The following COL4A3 variants were observed in gnomAD, a reference collection of about 807,000 sequenced individuals.
COL4A3 encodes collagen type IV alpha 3 chain.
In COL4A3, 135 loss-of-function variants were observed where a neutral mutation model predicts 217.4. The observed-to-expected ratio is 0.62, with a 90% CI of 0.54 to 0.72. The LOEUF is 0.72. COL4A3 is among the 30% of genes least tolerant of loss of function. The pLI, the probability that COL4A3 is intolerant of heterozygous loss-of-function variation, is 0.00. For missense variants in COL4A3, 1,868 were observed against 2,119.9 expected (o/e 0.88, Z 2.33); for synonymous variants, 690 against 736.3 (o/e 0.94, Z 1.02).
Position 227,314,130 on chromosome 2 carries a change from A to C in COL4A3, c.*2260A>C, listed in dbSNP as rs2073828742. ...AAAGTTCAAACTCACAGGTGACTCTAAGGTTATCTACTTTTACTCATAAGT... is the reference window on the plus strand; with the variant it reads ...AAAGTTCAAACTCACAGGTGACTCTCAGGTTATCTACTTTTACTCATAAGT... On this transcript the variant is annotated 3_prime_UTR_variant, in exon 52 of 52. Coordinates refer to ENST00000396578, the MANE Select transcript of COL4A3 (RefSeq NM_000091.5). 6.6e-6 allele frequency: 1 copy of C among 152,654 alleles called. No homozygotes were observed. Among genetic ancestry groups the C allele is most frequent in the Non-Finnish European group, 1.5e-5 (1 of 68,044 alleles). 9.5% of individuals were successfully genotyped at this position (152,654 alleles called of 1,614,324 possible).
chr2:227,286,497 AAAAT>A (rs2072334284), intron 34 of COL4A3, among the ~76,000 whole-genome samples: 1 of 152,206 alleles, frequency 6.6e-6, no homozygotes, highest in South Asian at 2.1e-4. Context: ...TCTGTCTCAA[AAAAT>A]AAATAAATAC....
Position 227,164,784 on chromosome 2 carries a change from C to T in COL4A3, c.58C>T (p.Leu20Phe). ...GCTCCTGCTGCCGCTCCTGCTGGTGCTCCTGGCGGCGGCGCCCGCAGCCAG... is the reference window on the plus strand; with the variant it reads ...GCTCCTGCTGCCGCTCCTGCTGGTGTTCCTGGCGGCGGCGCCCGCAGCCAG... Reference protein sequence around the residue: ...QVLLLPLLLVLLAAAPAASKG... With the variant: ...QVLLLPLLLVFLAAAPAASKG... Residue 20 changes from leucine (L) to phenylalanine (F), a missense_variant, in exon 1 of 52, where the codon CTC becomes TTC. Around this residue, in one of 2 missense-constraint regions of COL4A3, gnomAD observed 365 missense variants for 333.8 expected, o/e 1.09. Coordinates refer to ENST00000396578, the MANE Select transcript of COL4A3 (RefSeq NM_000091.5). The surrounding 1 kb of genome is among the most constrained non-coding windows in gnomAD (Gnocchi z 4.8). 6.6e-7 allele frequency: 1 copy of T among 1,520,756 alleles called. No homozygotes were observed. The highest frequency in any genetic ancestry group is 8.8e-7 in the Non-Finnish European group (1 of 1,141,264). 94.2% of individuals were successfully genotyped at this position (1,520,756 alleles called of 1,614,324 possible).
At chr2:227,219,880 A>G (rs2067692366) in intron 1 of COL4A3, among the ~76,000 whole-genome samples, 1 of 152,002 alleles carries the variant, frequency 6.6e-6, no homozygotes, top group Non-Finnish European at 1.5e-5. Flanking sequence ...TGCATTTGTA[A>G]CCCCAGTGCT....
chr2:227,309,381 G>C, intron 50 of COL4A3, 63 bp downstream of exon 50: 3 of 1,287,874 alleles, frequency 2.3e-6, no homozygotes, highest in Non-Finnish European at 3.3e-6. Flanking sequence ...ACATTGTGCT[G>C]GGTAAAATGT....
chr2:227,270,065 T>C, intron 24 of COL4A3, 85 bp downstream of exon 24: 1 of 1,162,700 alleles, frequency 8.6e-7, no homozygotes, highest in Non-Finnish European at 1.3e-6. Flanking sequence ...CTTACCAGTT[T>C]GGTGCCTTGC....
At chr2:227,268,443 C>G (rs1293348862) in intron 23 of COL4A3, 1 of 152,274 alleles carries the variant, frequency 6.6e-6, no homozygotes. Flanking sequence ...TACCTGACAA[C>G]CTGGATAGGG....
In COL4A3 at chr2:227,203,165, GTGTATATA is replaced by G. The variant is rs2066869469; in HGVS notation, c.88-34799_88-34792del. On this transcript the variant is annotated intron_variant, in intron 1 of 51. Coordinates refer to ENST00000396578, the MANE Select transcript of COL4A3 (RefSeq NM_000091.5). The stretch of plus-strand genomic sequence containing the variant: ...TATATATGTGTATATATACATATAT[GTGTATATA>G]TGTGTATATGTGTGTATATATACAT... Among the ~76,000 whole-genome samples, 2 of 22,372 alleles carry G rather than the reference GTGTATATA, an allele frequency of 8.9e-5. 1 individual carries two copies. Among genetic ancestry groups the G allele is most frequent in the Non-Finnish European group, 1.5e-4 (2 of 13,370 alleles). The allele number at this position is 22,372 out of a possible 152,430, so 14.7% of individuals were successfully genotyped here. A position where few individuals can be genotyped will look rare whatever the true frequency, so the allele number is the denominator to read the frequency against.
intron 26 of COL4A3, among the ~76,000 whole-genome samples, chr2:227,274,630 C>T (rs904758919): frequency 6.6e-6 from 1 of 152,106 alleles, no homozygotes. Flanking sequence ...TCCCAAGTAG[C>T]TGGGATTGCA....
At chr2:227,225,837 G>A (rs916470012) in intron 1 of COL4A3, among the ~76,000 whole-genome samples, 2 of 150,898 alleles carry the variant, frequency 1.3e-5, no homozygotes, top group Non-Finnish European at 2.9e-5. Flanking sequence ...TTAGCCACCC[G>A]AGTACCTGGG....
chr2:227,277,340 A>G (rs969042742), intron 27 of COL4A3, 109 bp from the exon 28 acceptor site: 9 of 642,170 alleles, frequency 1.4e-5, no homozygotes, highest in South Asian at 3.9e-5. Context: ...AAAAAAAAAA[A>G]CAATGTGCAA....
intron 34 of COL4A3, among the ~76,000 whole-genome samples, chr2:227,286,011 A>G (rs906617539): frequency 3.3e-5 from 5 of 152,256 alleles, no homozygotes; most frequent in African/African-American, 1.2e-4. Flanking sequence ...GAGAAGCACA[A>G]TAACAAGTCA....
chr2:227,178,591 G>T (rs1174090882), intron 1 of COL4A3, among the ~76,000 whole-genome samples: 1 of 152,102 alleles, frequency 6.6e-6, no homozygotes, highest in South Asian at 2.1e-4. Context: ...GGAGTGTAGT[G>T]GTATCATATT....
intron 25 of COL4A3, 79 bp from the exon 26 acceptor site, chr2:227,272,870 T>C (rs2071323942): frequency 7.1e-7 from 1 of 1,411,188 alleles, no homozygotes. Context: ...TAACTGGTAT[T>C]CATATTTGGA....
At chr2:227,192,129 C>T (rs550957642) in intron 1 of COL4A3, among the ~76,000 whole-genome samples, 7 of 152,290 alleles carry the variant, frequency 4.6e-5, no homozygotes, top group South Asian at 2.1e-4. Flanking sequence ...AGAGTATAAA[C>T]GGTAATTATA....
In COL4A3 at chr2:227,282,259, G is replaced by A; in HGVS notation, c.2489-106G>A. The A allele has an allele frequency of 1.1e-5, 5 of 473,590 alleles. No individual in the cohort carries two copies. The highest frequency in any genetic ancestry group is 6.5e-5 in the East Asian group (1 of 15,360). The allele number at this position is 473,590 out of a possible 1,614,324, so 29.3% of individuals were successfully genotyped here. Reference sequence around the variant, plus strand: ...TGCAATCCAGCCTAGAAGACAGAGGGAGATTCCATCTTAAAAATATATATA... The same window carrying A: ...TGCAATCCAGCCTAGAAGACAGAGGAAGATTCCATCTTAAAAATATATATA... On this transcript the variant is annotated intron_variant, in intron 31 of 51. Transcript: ENST00000396578. This position sits in a 1 kb window ranked among gnomAD's most constrained non-coding sequence, Gnocchi z 4.4.
intron 11 of COL4A3, among the ~76,000 whole-genome samples, chr2:227,252,266 T>C (rs1197111168): frequency 1.5e-5 from 2 of 131,442 alleles, no homozygotes; most frequent in Non-Finnish European, 3.1e-5. Flanking sequence ...CAGGCTGGAG[T>C]GTAGTGGTGC....
In COL4A3 at chr2:227,190,037, G is replaced by A. The variant is rs566480350; in HGVS notation, c.87+25224G>A. On this transcript the variant is annotated intron_variant, in intron 1 of 51. Transcript: ENST00000396578. ...TAACAGTGGCTAGGTAGATGGATGTGCTTCTACCAAGAGAAAGGAAGAATG... is the reference window on the plus strand; with the variant it reads ...TAACAGTGGCTAGGTAGATGGATGTACTTCTACCAAGAGAAAGGAAGAATG... 3.3e-5 allele frequency among the ~76,000 whole-genome samples: 5 copies of A among 152,082 alleles called. No homozygotes were observed. The South Asian group carries it at 1.0e-3, about 32-fold the overall frequency.
Position 227,270,955 on chromosome 2 carries a change from TGGTATTTA to T in COL4A3, c.1758+5_1758+12del. ...TACCAGGACCTAAAGGCGAACTGGT[TGGTATTTA>T]GCAACTTTACCCTCCCTATAAATGA... On this transcript the variant is annotated splice_donor_5th_base_variant and intron_variant, in intron 25 of 51. Transcript: ENST00000396578. The T allele has an allele frequency of 6.2e-7, 1 of 1,613,864 alleles. No individual in the cohort carries two copies. The highest frequency in any genetic ancestry group is 1.1e-5 in the South Asian group (1 of 91,060).
At chr2:227,207,381 T>C (rs1237998133) in intron 1 of COL4A3, among the ~76,000 whole-genome samples, 1 of 152,188 alleles carries the variant, frequency 6.6e-6, no homozygotes, top group Non-Finnish European at 1.5e-5. Flanking sequence ...CTTCACTTCT[T>C]GTTTATTTCC....
Sources: gnomAD v4.1 joint callset for allele counts (sites outside exome capture counted in the v4.1 genomes callset) on GRCh38, gnomAD v4.1.1 for gene constraint, gnomAD v4.1.1 regional missense constraint, Gnocchi (gnomAD v3.1) non-coding constraint, MANE v1.5 for transcripts, NCBI Gene and HGNC (gene_info 2026-07-23, HGNC 2026-07-21) for gene names.